The following ERICH1 variants were observed in gnomAD, a reference collection of about 807,000 sequenced individuals.
ERICH1 encodes glutamate-rich protein 1.
Under a neutral mutation model 39.6 loss-of-function variants are expected in ERICH1, and 56 were observed. The observed-to-expected ratio is 1.41, with a 90% CI of 1.14 to 1.77. ERICH1 has a LOEUF of 1.77. Ranked by LOEUF, ERICH1 falls within the 40% of genes most tolerant of loss-of-function variation. The pLI, the probability that ERICH1 is intolerant of heterozygous loss-of-function variation, is 0.00. For synonymous variants in ERICH1, 313 were observed against 223.6 expected, an observed-to-expected ratio of 1.40 and a Z score of -3.57; for missense variants, 826 against 575.4, an observed-to-expected ratio of 1.44 and a Z score of -4.45.
chr8:615,035 C>A (rs992280649), exon 4 of ERICH1: 2 of 458,404 alleles, frequency 4.4e-6, no homozygotes, highest in Non-Finnish European at 7.6e-6. Context: ...TTGGAGCAGA[C>A]GTGGCTACGC....
rs141813064 is a variant in ERICH1 at position 713,300 on chromosome 8, G to A, written c.169+2561C>T. Among the ~76,000 whole-genome samples, 4 of 152,314 alleles carry A rather than the reference G, an allele frequency of 2.6e-5. No individual in the cohort carries two copies. The East Asian group carries it at 5.8e-4, about 22-fold the overall frequency. ...TGGTGGCGGCTGTGAGGCGGGGAGCGCAATTCAGCCTATAATAAGTATATT... is the reference window on the plus strand; with the variant it reads ...TGGTGGCGGCTGTGAGGCGGGGAGCACAATTCAGCCTATAATAAGTATATT... On this transcript the variant is annotated intron_variant, in intron 2 of 5. Transcript: ENST00000262109.
At chr8:650,134 G>C (rs1585037008) in intron 3 of ERICH1, among the ~76,000 whole-genome samples, 1 of 152,224 alleles carries the variant, frequency 6.6e-6, no homozygotes, top group Non-Finnish European at 1.5e-5. Context: ...CCGGGAGCGC[G>C]CAGAGCTGAG....
chr8:713,271 T>C (rs909492571), intron 2 of ERICH1, among the ~76,000 whole-genome samples: 1 of 152,224 alleles, frequency 6.6e-6, no homozygotes, highest in African/African-American at 2.4e-5. Context: ...ACATACAAAT[T>C]TGCTGGTGGC....
At chr8:686,662 C>G (rs1409505906) in intron 3 of ERICH1, 1 of 152,256 alleles carries the variant, frequency 6.6e-6, no homozygotes, top group Non-Finnish European at 1.5e-5. Flanking sequence ...CCATCACAGC[C>G]TTTTCTGATG....
intron 2 of ERICH1, among the ~76,000 whole-genome samples, chr8:693,534 C>G (rs1809429523): frequency 6.6e-6 from 1 of 152,234 alleles, no homozygotes; most frequent in Non-Finnish European, 1.5e-5. Flanking sequence ...CCGCTGTATG[C>G]TCCTCTACCA....
At chr8:628,759 C>T in intron 3 of ERICH1, among the ~76,000 whole-genome samples, 2 of 152,232 alleles carry the variant, frequency 1.3e-5, no homozygotes, top group East Asian at 3.9e-4. Flanking sequence ...CCTGAAGCTG[C>T]AGCCCTGGGG....
chr8:682,012 C>T (rs1176158175), intron 3 of ERICH1, among the ~76,000 whole-genome samples: 6 of 152,108 alleles, frequency 3.9e-5, no homozygotes, highest in Non-Finnish European at 5.9e-5. Flanking sequence ...TTGATGTCTC[C>T]TCTCAGAAGT....
chr8:619,601 C>T (rs1455331438), intron 3 of ERICH1, among the ~76,000 whole-genome samples: 2 of 152,108 alleles, frequency 1.3e-5, no homozygotes, highest in African/African-American at 4.8e-5. Flanking sequence ...ATTAATATAA[C>T]AAACTTTATA....
intron 2 of ERICH1, among the ~76,000 whole-genome samples, chr8:702,421 G>A (rs1003231469): frequency 6.6e-6 from 1 of 152,262 alleles, no homozygotes; most frequent in Admixed American, 6.5e-5. Context: ...TGTACAACCA[G>A]CACCTCTCTA....
At chr8:668,513 G>C (rs1802633545) in intron 5 of ERICH1, 85 bp downstream of exon 5, 1 of 1,446,516 alleles carries the variant, frequency 6.9e-7, no homozygotes, top group Admixed American at 1.7e-5. Flanking sequence ...ACTCATTGCT[G>C]TTTTGGTGGC....
At chr8:634,183 A>AGCAAACAAAAAACAAAC in intron 3 of ERICH1, among the ~76,000 whole-genome samples, 1 of 135,846 alleles carries the variant, frequency 7.4e-6, no homozygotes, top group East Asian at 2.2e-4. Flanking sequence ...AAAAAAAAAA[A>AGCAAACAAAAAACAAAC]AAACAAACAA....
Position 673,500 on chromosome 8 carries a change from C to T in ERICH1, c.852G>A (p.Arg284=). ...GVDTIEEDLT[R]AGEEDGKDTR... ...TGTCTTTACCGTCTTCCTCCCCGGCCCGTGTCAGGTCTTCCTCAATGGTGT... is the reference window on the plus strand; with the variant it reads ...TGTCTTTACCGTCTTCCTCCCCGGCTCGTGTCAGGTCTTCCTCAATGGTGT... Residue 284 remains arginine (R), a synonymous_variant, in exon 4 of 6, where the codon CGG becomes CGA. Coordinates refer to ENST00000262109, the MANE Select transcript of ERICH1 (RefSeq NM_207332.3). 1 of 1,612,968 alleles carries T rather than the reference C, an allele frequency of 6.2e-7. No homozygotes were observed. The highest frequency in any genetic ancestry group is 8.5e-7 in the Non-Finnish European group (1 of 1,179,662).
At chr8:699,602 A>G (rs78920608) in intron 2 of ERICH1, among the ~76,000 whole-genome samples, 3,456 of 152,206 alleles carry the variant, frequency 0.023, 131 homozygotes, top group African/African-American at 0.079. Flanking sequence ...TATTTTCATC[A>G]TATTTAAACA....
intron 4 of ERICH1, among the ~76,000 whole-genome samples, chr8:670,155 T>C (rs890947395): frequency 6.6e-6 from 1 of 152,230 alleles, no homozygotes; most frequent in Non-Finnish European, 1.5e-5. Context: ...TCATTTGCTG[T>C]TTCCCTGTCT....
chr8:709,747 T>C (rs528303403), intron 2 of ERICH1, among the ~76,000 whole-genome samples: 1 of 152,314 alleles, frequency 6.6e-6, no homozygotes, highest in Non-Finnish European at 1.5e-5. Context: ...CCAATCACTT[T>C]AGGCAAGAAA....
intron 3 of ERICH1, among the ~76,000 whole-genome samples, chr8:679,347 ACCCCTCACAAAAGCTCTGG>A: frequency 1.1e-5 from 1 of 95,034 alleles, no homozygotes; most frequent in Non-Finnish European, 2.1e-5. Flanking sequence ...CACAGCTCCC[ACCCCTCACAAAAGCTCTGG>A]CCCCTCACAG....
At chr8:634,186 A>C (rs1798248852) in intron 3 of ERICH1, among the ~76,000 whole-genome samples, 1 of 142,016 alleles carries the variant, frequency 7.0e-6, no homozygotes, top group South Asian at 2.2e-4. Flanking sequence ...AAAAAAAAAA[A>C]CAAACAAAAA....
chr8:722,420 G>A (rs1286209184), intron 1 of ERICH1, among the ~76,000 whole-genome samples: 2 of 152,192 alleles, frequency 1.3e-5, no homozygotes, highest in African/African-American at 4.8e-5. Flanking sequence ...ATAATTCTCA[G>A]AAAGGACTGC....
chr8:624,340 T>C (rs1180919231), intron 3 of ERICH1, among the ~76,000 whole-genome samples: 1 of 152,186 alleles, frequency 6.6e-6, no homozygotes, highest in Non-Finnish European at 1.5e-5. Context: ...TGCAACCATG[T>C]GGAACACAGT....
Sources: gnomAD v4.1 joint callset for allele counts (sites outside exome capture counted in the v4.1 genomes callset) on GRCh38, gnomAD v4.1.1 for gene constraint, MANE v1.5 for transcripts, NCBI Gene and HGNC (gene_info 2026-07-23, HGNC 2026-07-21) for gene names.